SLIT3: variants seen among roughly 807,000 people sequenced by gnomAD.
SLIT3 encodes the protein slit homolog 3 protein.
A neutral mutation model predicts 184.0 loss-of-function variants in SLIT3; 68 were observed. That is an observed-to-expected ratio of 0.37 (90% CI 0.30 to 0.45). SLIT3 has a LOEUF of 0.45. Among genes scored for constraint, SLIT3 ranks in the 20% least tolerant of loss-of-function variants. The pLI, the probability that SLIT3 is intolerant of heterozygous loss-of-function variation, is 1.00. For missense variants in SLIT3, 1,707 were observed against 2,026.0 expected (o/e 0.84, Z 3.02); for synonymous variants, 831 against 828.6 (o/e 1.00, Z -0.05).
intron 5 of SLIT3, among the ~76,000 whole-genome samples, chr5:168,881,346 AG>A (rs1186221302): frequency 6.6e-6 from 1 of 152,252 alleles, no homozygotes; most frequent in Non-Finnish European, 1.5e-5. Context: ...GAGAAACCCT[AG>A]CAACTATTAA....
intron 4 of SLIT3, among the ~76,000 whole-genome samples, chr5:168,972,731 A>G (rs1205455064): frequency 1.3e-5 from 2 of 151,706 alleles, no homozygotes; most frequent in Admixed American, 1.3e-4. Context: ...TCTTCTCTAG[A>G]CTCATACCTG....
chr5:169,294,664 G>A lies in SLIT3; in HGVS notation c.197+5849C>T, dbSNP rs758675626. 1.9e-4 allele frequency among the ~76,000 whole-genome samples: 29 copies of A among 152,316 alleles called. 1 individual carries two copies. Among genetic ancestry groups the A allele is most frequent in the Admixed American group, 4.6e-4 (7 of 15,302 alleles). ...TAGTTCAGGGAGGGCTCCTATGGTG[G>A]GGTCATGCATCACTTAATGATGGGG... On this transcript the variant is annotated intron_variant, in intron 1 of 35. Transcript: ENST00000519560.
chr5:168,684,418 C>T (rs1021225567), intron 31 of SLIT3, among the ~76,000 whole-genome samples: 6 of 152,176 alleles, frequency 3.9e-5, no homozygotes, highest in South Asian at 2.1e-4. Flanking sequence ...AACATGATCC[C>T]GCCCAAGTTC....
In SLIT3 at chr5:168,901,912, T is replaced by C. The variant is rs542298500; in HGVS notation, c.414-18576A>G. ...GTGCTCTGCCCATAGTTGAAATGGATATTCTTTGAGATGGAGTCTCACTCT... is the reference window on the plus strand; with the variant it reads ...GTGCTCTGCCCATAGTTGAAATGGACATTCTTTGAGATGGAGTCTCACTCT... On this transcript the variant is annotated intron_variant, in intron 4 of 35. Coordinates refer to ENST00000519560, the MANE Select transcript of SLIT3 (RefSeq NM_003062.4). 5.3e-5 allele frequency among the ~76,000 whole-genome samples: 8 copies of C among 152,234 alleles called. No homozygotes were observed. The South Asian group carries it at 1.7e-3, about 32-fold the overall frequency.
intron 6 of SLIT3, among the ~76,000 whole-genome samples, chr5:168,832,125 T>G (rs1757901705): frequency 6.6e-6 from 1 of 152,244 alleles, no homozygotes; most frequent in South Asian, 2.1e-4. Flanking sequence ...TAAATGACCA[T>G]GTGAATGAGA....
At chr5:168,964,981 G>A (rs190992553) in intron 4 of SLIT3, among the ~76,000 whole-genome samples, 13 of 152,324 alleles carry the variant, frequency 8.5e-5, no homozygotes, top group African/African-American at 1.4e-4. Context: ...CTAGGGAGAC[G>A]TGTCTGAGAC....
intron 3 of SLIT3, among the ~76,000 whole-genome samples, chr5:169,224,316 C>T (rs1764720178): frequency 6.6e-6 from 1 of 152,078 alleles, no homozygotes; most frequent in African/African-American, 2.4e-5. Context: ...TACCAACATA[C>T]TGTATTTATT....
chr5:169,074,472 A>G (rs1310602725), intron 4 of SLIT3, among the ~76,000 whole-genome samples: 3 of 152,182 alleles, frequency 2.0e-5, no homozygotes, highest in Non-Finnish European at 4.4e-5. Flanking sequence ...TCTACCTTCT[A>G]TGCACTGTCC....
At chr5:168,757,849 T>C (rs903534046) in intron 16 of SLIT3, among the ~76,000 whole-genome samples, 1 of 152,230 alleles carries the variant, frequency 6.6e-6, no homozygotes, top group Non-Finnish European at 1.5e-5. Flanking sequence ...TCATCTTTAT[T>C]TCCTCATATT....
chr5:168,846,347 C>T (rs1758467238), intron 5 of SLIT3, among the ~76,000 whole-genome samples: 1 of 152,286 alleles, frequency 6.6e-6, no homozygotes, highest in Middle Eastern at 3.4e-3. Flanking sequence ...AGTCTCACCA[C>T]ATCTTCTCGA....
intron 3 of SLIT3, among the ~76,000 whole-genome samples, chr5:169,200,175 G>A (rs1160237588): frequency 2.6e-5 from 4 of 152,220 alleles, no homozygotes; most frequent in Admixed American, 2.0e-4. Flanking sequence ...GGGAAGGGGT[G>A]AGGGGCCACT....
chr5:169,283,082 T>G (rs1767042089), intron 1 of SLIT3, among the ~76,000 whole-genome samples: 1 of 152,218 alleles, frequency 6.6e-6, no homozygotes, highest in African/African-American at 2.4e-5. Context: ...AAAAATGAAC[T>G]TGCCTAAGGG....
At chr5:168,735,715 C>G (rs1181268680) in intron 20 of SLIT3, among the ~76,000 whole-genome samples, 1 of 148,578 alleles carries the variant, frequency 6.7e-6, no homozygotes, top group Non-Finnish European at 1.5e-5. Context: ...CATCTCCATC[C>G]AATAATACAC....
intron 4 of SLIT3, among the ~76,000 whole-genome samples, chr5:169,095,894 T>A (rs1370080017): frequency 1.3e-5 from 2 of 152,216 alleles, no homozygotes; most frequent in Non-Finnish European, 2.9e-5. Flanking sequence ...TTTAAAACAA[T>A]TTTAATTACA....
At chr5:168,775,232 T>G (rs1259069179) in intron 12 of SLIT3, among the ~76,000 whole-genome samples, 14 of 151,832 alleles carry the variant, frequency 9.2e-5, no homozygotes, top group Admixed American at 9.2e-4. Context: ...GAGACGGGGT[T>G]TCACCATGTT....
intron 1 of SLIT3, among the ~76,000 whole-genome samples, chr5:169,293,183 C>T (rs1357230978): frequency 6.6e-6 from 1 of 152,056 alleles, no homozygotes; most frequent in Non-Finnish European, 1.5e-5. Context: ...GAAAACCTGT[C>T]ATTTGGAAAA....
At chr5:168,836,084 G>A (rs936301719) in intron 6 of SLIT3, among the ~76,000 whole-genome samples, 1 of 152,154 alleles carries the variant, frequency 6.6e-6, no homozygotes, top group African/African-American at 2.4e-5. Context: ...CTTCCATTAA[G>A]CCAGTGGGTA....
At chr5:168,890,738 T>C (rs936891538) in intron 4 of SLIT3, among the ~76,000 whole-genome samples, 5 of 152,178 alleles carry the variant, frequency 3.3e-5, no homozygotes, top group African/African-American at 1.2e-4. Flanking sequence ...TATTGGAGCT[T>C]GGCGATAAGT....
At chr5:168,828,530 A>C (rs1757774392) in intron 6 of SLIT3, among the ~76,000 whole-genome samples, 1 of 151,850 alleles carries the variant, frequency 6.6e-6, no homozygotes, top group Non-Finnish European at 1.5e-5. Context: ...TATGGTGGTG[A>C]GCAACGGCAG....
Sources: gnomAD v4.1 joint callset for allele counts (sites outside exome capture counted in the v4.1 genomes callset) on GRCh38, gnomAD v4.1.1 for gene constraint, MANE v1.5 for transcripts, NCBI Gene and HGNC (gene_info 2026-07-23, HGNC 2026-07-21) for gene names.